Variants in SRSF4 observed in about 807,000 individuals in gnomAD.
SRSF4 encodes the protein serine and arginine rich splicing factor 4, also known as serine/arginine-rich splicing factor 4.
Under a neutral mutation model 48.8 loss-of-function variants are expected in SRSF4, and 12 were observed. The ratio of observed to expected loss-of-function variants is 0.25; its 90% CI spans 0.16 to 0.40. The LOEUF is 0.40. Ranked by LOEUF, SRSF4 falls within the 10% of genes least tolerant of loss-of-function variation. SRSF4 has a pLI of 1.00. For missense variants in SRSF4, 466 were observed against 667.1 expected, an observed-to-expected ratio of 0.70 and a Z score of 3.32; for synonymous variants, 248 against 232.5, an observed-to-expected ratio of 1.07 and a Z score of -0.61.
rs773646164 is a variant in SRSF4 at position 29,148,489 on chromosome 1, C to T, written c.1406G>A (p.Arg469Gln). The T allele has an allele frequency of 6.2e-6, 10 of 1,613,898 alleles. No homozygotes were observed. The highest frequency in any genetic ancestry group is 2.2e-5 in the South Asian group (2 of 91,072). ...CCTGGATCTAGACTTGGACCGAGAT[C>T]GGGTTTTTGAAGCTGACTTTGATCT... is the stretch of plus-strand genomic sequence containing the variant. The part of the protein sequence containing the change: ...RSRSKSASKT[R>Q]SRSKSRSRSA... The change falls in exon 6 of 6, where the codon CGA (arginine) becomes CAA (glutamine). Residue 469 changes from arginine to glutamine, a missense_variant. By Grantham distance (43) the Arg-to-Gln change is conservative (BLOSUM62 1). Transcript: ENST00000373795.
At position 29,160,355 on chromosome 1, in the gene SRSF4, T is replaced by G; in HGVS notation, c.250+20A>C. 1 of 1,600,106 alleles carries G rather than the reference T, an allele frequency of 6.2e-7. No individual in the cohort carries two copies. Among genetic ancestry groups the G allele is most frequent in the Non-Finnish European group, 8.5e-7 (1 of 1,175,142 alleles). On this transcript the variant is annotated intron_variant, in intron 2 of 5. Coordinates refer to ENST00000373795, the MANE Select transcript of SRSF4 (RefSeq NM_005626.5). ...AACAAAAGCACGTTACTGATAAAAG[T>G]ATGCCCTTTGAATGCTTACTGCGTC...
chr1:29,176,754 A>T (rs1468424568), intron 1 of SRSF4, among the ~76,000 whole-genome samples: 1 of 152,192 alleles, frequency 6.6e-6, no homozygotes, highest in Non-Finnish European at 1.5e-5. Context: ...ATTATGGTGC[A>T]TTAAACAAGG....
chr1:29,163,505 G>C (rs78269211), intron 1 of SRSF4, among the ~76,000 whole-genome samples: 17,507 of 152,138 alleles, frequency 0.12, 1,370 homozygotes, highest in East Asian at 0.41. Flanking sequence ...GCAAAGAGCA[G>C]ATCAGTGTGG....
chr1:29,161,060 C>T (rs1382785652), intron 1 of SRSF4, among the ~76,000 whole-genome samples: 1 of 152,170 alleles, frequency 6.6e-6, no homozygotes, highest in Admixed American at 6.5e-5. Context: ...GAGCTGTTTA[C>T]TTCCCTGTGA....
chr1:29,172,119 T>C (rs1672753062), intron 1 of SRSF4: 1 of 152,074 alleles, frequency 6.6e-6, no homozygotes, highest in Admixed American at 6.5e-5. Context: ...TTTTGGGGGG[T>C]AAGTTGACTT....
chr1:29,160,338 C>T (rs750950162), intron 2 of SRSF4, 37 bp downstream of exon 2: 10 of 1,573,432 alleles, frequency 6.4e-6, no homozygotes, highest in Non-Finnish European at 8.6e-6. Context: ...ATAACAAAAG[C>T]ACGTTACTGA....
Position 29,160,403 on chromosome 1 carries a change from C to T in SRSF4, c.222G>A (p.Arg74=), listed in dbSNP as rs1383797586. 3.1e-6 allele frequency: 5 copies of T among 1,613,666 alleles called. No individual in the cohort carries two copies. Among genetic ancestry groups the T allele is most frequent in the Non-Finnish European group, 4.2e-6 (5 of 1,179,868 alleles). The change falls in exon 2 of 6, where the codon CGG becomes CGA. Residue 74 remains arginine (R), a synonymous_variant. Coordinates refer to ENST00000373795, the MANE Select transcript of SRSF4 (RefSeq NM_005626.5). ...GTCCAGAACCGTAACTGCCATCTCG[C>T]CGTGGGCCGCGGGCATGCTCAACAA... ...RVIVEHARGP[R]RDGSYGSGRS... is the part of the protein sequence containing the mutation.
chr1:29,168,286 C>T (rs1250134112), intron 1 of SRSF4, among the ~76,000 whole-genome samples: 1 of 151,796 alleles, frequency 6.6e-6, no homozygotes, highest in Non-Finnish European at 1.5e-5. Context: ...CTGCCTTGGC[C>T]TCCCAAAGTG....
rs527355423 is a variant in SRSF4 at position 29,148,702 on chromosome 1, T to C, written c.1193A>G (p.Asp398Gly). 6.2e-7 allele frequency: 1 copy of C among 1,613,806 alleles called. No homozygotes were observed. The highest frequency in any genetic ancestry group is 1.3e-5 in the African/African-American group (1 of 74,972). ...AGATCTGGACTGGGAGCGGTCAGTG[T>C]CTTCCTTCTTCTTCTTCTTGCTGCT... is the stretch of plus-strand genomic sequence containing the variant. ...AGSSKKKKKE[D>G]TDRSQSRSPS... Residue 398 changes from aspartate to glycine, a missense_variant, in exon 6 of 6, where the codon GAC (aspartate) becomes GGC (glycine). Physicochemically the swap from Asp to Gly is moderately conservative, Grantham distance 94. Transcript: ENST00000373795.
intron 1 of SRSF4, among the ~76,000 whole-genome samples, chr1:29,175,713 A>T (rs1295267976): frequency 6.8e-6 from 1 of 148,032 alleles, no homozygotes; most frequent in East Asian, 1.9e-4. Context: ...AAAAAAAAAA[A>T]AAAAAAAAAA....
intron 1 of SRSF4, among the ~76,000 whole-genome samples, chr1:29,177,032 A>G (rs1216586556): frequency 6.6e-6 from 1 of 152,252 alleles, no homozygotes. Context: ...TAACTAAAAT[A>G]TGGAAAAGCT....
intron 4 of SRSF4, among the ~76,000 whole-genome samples, chr1:29,153,118 A>G (rs920624720): frequency 2.0e-5 from 3 of 151,970 alleles, no homozygotes; most frequent in African/African-American, 4.8e-5. Flanking sequence ...ACTGAGTTTC[A>G]GGGGGGCAAG....
At position 29,148,752 on chromosome 1, in the gene SRSF4, G is replaced by C; in HGVS notation, c.1143C>G (p.Gly381=). 18 of 1,613,434 alleles carry C rather than the reference G, an allele frequency of 1.1e-5. No homozygotes were observed. Among genetic ancestry groups the C allele is most frequent in the Non-Finnish European group, 1.5e-5 (18 of 1,179,824 alleles). ...TGCCCGCCTTGCTGTCTCGCTTGCT[G>C]CCTCGCTTTCTGCTCCTCTCACTCT... ...RSKSERSRKR[G]SKRDSKAGSS... is the part of the protein sequence containing the mutation. The change falls in exon 6 of 6, where the codon GGC becomes GGG. Residue 381 remains glycine (G), a synonymous_variant. Coordinates refer to ENST00000373795, the MANE Select transcript of SRSF4 (RefSeq NM_005626.5).
chr1:29,160,209 CATT>C (rs946058484), intron 2 of SRSF4, 163 bp downstream of exon 2: 2 of 742,826 alleles, frequency 2.7e-6, no homozygotes, highest in African/African-American at 1.8e-5. Context: ...TAAAATTAAA[CATT>C]ATCAAAGGCT....
At chr1:29,152,598 C>G (rs1672427260) in intron 4 of SRSF4, among the ~76,000 whole-genome samples, 1 of 152,116 alleles carries the variant, frequency 6.6e-6, no homozygotes, top group Admixed American at 6.6e-5. Context: ...CCCAGGCCTT[C>G]AGAAACACCC....
Position 29,159,357 on chromosome 1 carries a change from G to A in SRSF4, c.363+17C>T, listed in dbSNP as rs1320933541. On this transcript the variant is annotated intron_variant, in intron 3 of 5. Coordinates refer to ENST00000373795, the MANE Select transcript of SRSF4 (RefSeq NM_005626.5). ...CTCCTGCCCAACCTTACCCCAAAAG[G>A]TTAATGGGGCCCAAACCTTTAGGTC... is the stretch of plus-strand genomic sequence containing the variant. The A allele has an allele frequency of 6.3e-7, 1 of 1,596,512 alleles. No individual in the cohort carries two copies. Among genetic ancestry groups the A allele is most frequent in the Admixed American group, 1.7e-5 (1 of 59,558 alleles).
chr1:29,149,574 A>G (rs947183269), intron 5 of SRSF4, among the ~76,000 whole-genome samples: 4 of 151,916 alleles, frequency 2.6e-5, no homozygotes, highest in African/African-American at 9.7e-5. Context: ...CGAGCTACTC[A>G]GGAGGCTGAG....
chr1:29,157,103 A>C (rs992074416), intron 3 of SRSF4, among the ~76,000 whole-genome samples: 12 of 152,194 alleles, frequency 7.9e-5, no homozygotes, highest in Admixed American at 7.2e-4. Context: ...ATGTCTGGCC[A>C]CATTCCAGTG....
intron 1 of SRSF4, among the ~76,000 whole-genome samples, chr1:29,166,325 G>C (rs963085480): frequency 6.6e-6 from 1 of 152,152 alleles, no homozygotes; most frequent in Non-Finnish European, 1.5e-5. Context: ...AATTCTTGCT[G>C]TCTGCATAAA....
Sources: gnomAD v4.1 joint callset for allele counts (sites outside exome capture counted in the v4.1 genomes callset) on GRCh38, gnomAD v4.1.1 for gene constraint, MANE v1.5 for transcripts, NCBI Gene and HGNC (gene_info 2026-07-23, HGNC 2026-07-21) for gene names.